Variants in LDLRAD3 observed in about 807,000 individuals in gnomAD.
LDLRAD3 encodes low-density lipoprotein receptor class A domain-containing protein 3.
LDLRAD3 carries 20 observed loss-of-function variants against 29.4 expected under a neutral mutation model. That is an observed-to-expected ratio of 0.68 (90% CI 0.48 to 0.99). LDLRAD3 has a LOEUF of 0.99. LDLRAD3 is among the 50% of genes least tolerant of loss of function. The pLI, the probability that LDLRAD3 is intolerant of heterozygous loss-of-function variation, is 0.00. For missense variants in LDLRAD3, 420 were observed against 454.3 expected (o/e 0.92, Z 0.69); for synonymous variants, 157 against 192.7 (o/e 0.81, Z 1.53).
At chr11:36,139,007 C>G (rs1802006232) in intron 4 of LDLRAD3, among the ~76,000 whole-genome samples, 2 of 152,198 alleles carry the variant, frequency 1.3e-5, no homozygotes, top group Non-Finnish European at 2.9e-5. Flanking sequence ...TCCTTATAAT[C>G]TCAGGAAAAT....
At chr11:35,976,021 T>C (rs1467244477) in intron 1 of LDLRAD3, among the ~76,000 whole-genome samples, 1 of 151,944 alleles carries the variant, frequency 6.6e-6, no homozygotes, top group Non-Finnish European at 1.5e-5. Flanking sequence ...GGGACCCTTT[T>C]TGATATCAGG....
At chr11:36,000,880 G>T (rs1298160863) in intron 1 of LDLRAD3, among the ~76,000 whole-genome samples, 1 of 152,138 alleles carries the variant, frequency 6.6e-6, no homozygotes, top group Non-Finnish European at 1.5e-5. Context: ...AGAGCCAGAG[G>T]TGGGCGGGTA....
At position 36,108,498 on chromosome 11, in the gene LDLRAD3, G is replaced by A. The variant is rs543369504; in HGVS notation, c.454+10037G>A. ...AGCAGGTGTTCGGTTGGTCAGTAGC[G>A]TGAGGAATGTGTTGCAAGGACAGGC... On this transcript the variant is annotated intron_variant, in intron 4 of 5. Coordinates refer to ENST00000315571, the MANE Select transcript of LDLRAD3 (RefSeq NM_174902.4). Among the ~76,000 whole-genome samples, 12 of 152,222 alleles carry A rather than the reference G, an allele frequency of 7.9e-5. 1 individual carries two copies. The highest frequency in any genetic ancestry group is 6.2e-4 in the South Asian group (3 of 4,818).
At chr11:36,203,360 CAGGCTCAGGAGTTTAAGTAACTTG>C (rs1855155800) in intron 4 of LDLRAD3, among the ~76,000 whole-genome samples, 1 of 152,174 alleles carries the variant, frequency 6.6e-6, no homozygotes, top group East Asian at 1.9e-4. Flanking sequence ...ATGAGGAAAA[CAGGCTCAGGAGTTTAAGTAACTTG>C]CCACAGTTGC....
intron 4 of LDLRAD3, among the ~76,000 whole-genome samples, chr11:36,214,595 C>T (rs1339219826): frequency 2.0e-5 from 3 of 152,182 alleles, no homozygotes; most frequent in African/African-American, 7.2e-5. Context: ...TTTTCCCTTC[C>T]CCAAAACAGA....
At chr11:35,949,376 G>A (rs892804823) in intron 1 of LDLRAD3, among the ~76,000 whole-genome samples, 5 of 152,176 alleles carry the variant, frequency 3.3e-5, no homozygotes, top group African/African-American at 1.2e-4. Flanking sequence ...GAGGGCTATA[G>A]GAGCACAAGC....
At chr11:36,125,859 T>C (rs1156376525) in intron 4 of LDLRAD3, among the ~76,000 whole-genome samples, 2 of 152,106 alleles carry the variant, frequency 1.3e-5, no homozygotes, top group Non-Finnish European at 2.9e-5. Context: ...GCTGGTAGGC[T>C]CTATGGTCCT....
chr11:36,123,188 A>AAAT (rs535143112), intron 4 of LDLRAD3, among the ~76,000 whole-genome samples: 1,585 of 151,636 alleles, frequency 0.01, 14 homozygotes, highest in South Asian at 0.033. Context: ...CTCCGTCTCA[A>AAAT]AATAATAATA....
intron 2 of LDLRAD3, among the ~76,000 whole-genome samples, chr11:36,070,854 A>T (rs1021716053): frequency 6.6e-6 from 1 of 152,126 alleles, no homozygotes; most frequent in East Asian, 1.9e-4. Context: ...CAGTCCTAAG[A>T]GCGAGAGCCT....
At chr11:36,124,183 T>C (rs1853802040) in intron 4 of LDLRAD3, among the ~76,000 whole-genome samples, 1 of 152,226 alleles carries the variant, frequency 6.6e-6, no homozygotes, top group Non-Finnish European at 1.5e-5. Flanking sequence ...ACAAGAAGTA[T>C]TGATCACAAA....
chr11:36,150,597 C>A (rs1476641882), intron 4 of LDLRAD3, among the ~76,000 whole-genome samples: 1 of 149,084 alleles, frequency 6.7e-6, no homozygotes, highest in African/African-American at 2.5e-5. Context: ...ACTAAAAATA[C>A]AAAAAAAATT....
chr11:36,029,112 G>A (rs190520493), intron 1 of LDLRAD3, among the ~76,000 whole-genome samples: 75 of 152,270 alleles, frequency 4.9e-4, no homozygotes, highest in African/African-American at 1.8e-3. Context: ...GGGTGTGGTG[G>A]TACATGCCTG....
chr11:36,133,472 C>T (rs1853957808), intron 4 of LDLRAD3, among the ~76,000 whole-genome samples: 5 of 151,510 alleles, frequency 3.3e-5, no homozygotes. Context: ...AGTCCTCCTG[C>T]CTCAGCCTCC....
chr11:36,160,764 T>G (rs1404515188), intron 4 of LDLRAD3, among the ~76,000 whole-genome samples: 2 of 152,186 alleles, frequency 1.3e-5, no homozygotes, highest in Non-Finnish European at 2.9e-5. Context: ...ACACAATGAC[T>G]TAGTGAGAAC....
At chr11:35,958,844 T>G (rs263088) in intron 1 of LDLRAD3, among the ~76,000 whole-genome samples, 1 of 152,010 alleles carries the variant, frequency 6.6e-6, no homozygotes, top group Non-Finnish European at 1.5e-5. Context: ...CCATACTACA[T>G]GAGTACAAGG....
intron 2 of LDLRAD3, among the ~76,000 whole-genome samples, chr11:36,054,123 C>T (rs1466616424): frequency 3.3e-5 from 5 of 152,162 alleles, no homozygotes; most frequent in Non-Finnish European, 7.3e-5. Flanking sequence ...AGGTTGTGTG[C>T]CAGGTTTCCC....
At chr11:36,015,243 G>C (rs532076096) in intron 1 of LDLRAD3, among the ~76,000 whole-genome samples, 1 of 152,118 alleles carries the variant, frequency 6.6e-6, no homozygotes, top group Non-Finnish European at 1.5e-5. Flanking sequence ...AAAGGAGTGG[G>C]GCTGTTTTGA....
At chr11:36,185,042 T>C (rs141759028) in intron 4 of LDLRAD3, among the ~76,000 whole-genome samples, 43 of 152,336 alleles carry the variant, frequency 2.8e-4, no homozygotes, top group African/African-American at 8.4e-4. Flanking sequence ...TATATTTTAC[T>C]CTAGAATTAG....
chr11:36,213,659 T>C lies in LDLRAD3; in HGVS notation c.455-13426T>C, dbSNP rs1010733823. ...GGGACCCCCAGGGCCGCTCCCACCC[T>C]GGGAGTGCCATTGGGGTCAGGCCTG... On this transcript the variant is annotated intron_variant, in intron 4 of 5. Coordinates refer to ENST00000315571, the MANE Select transcript of LDLRAD3 (RefSeq NM_174902.4). This position sits in a 1 kb window ranked among gnomAD's most constrained non-coding sequence, Gnocchi z 4.1. Among the ~76,000 whole-genome samples, 3 of 152,200 alleles carry C rather than the reference T, an allele frequency of 2.0e-5. No individual in the cohort carries two copies. Among genetic ancestry groups the C allele is most frequent in the African/African-American group, 7.2e-5 (3 of 41,462 alleles).
Sources: gnomAD v4.1 joint callset for allele counts (sites outside exome capture counted in the v4.1 genomes callset) on GRCh38, gnomAD v4.1.1 for gene constraint, Gnocchi (gnomAD v3.1) non-coding constraint, MANE v1.5 for transcripts, NCBI Gene and HGNC (gene_info 2026-07-23, HGNC 2026-07-21) for gene names.